EEFSEC: variants seen among roughly 807,000 people sequenced by gnomAD.
EEFSEC encodes the protein selenocysteine-specific elongation factor.
A neutral mutation model predicts 42.1 loss-of-function variants in EEFSEC; 43 were observed. The observed-to-expected ratio is 1.02, with a 90% CI of 0.80 to 1.32. The LOEUF is 1.32. EEFSEC is among the 40% of genes most tolerant of loss of function. EEFSEC has a pLI of 0.00. For missense variants in EEFSEC, 745 were observed against 803.6 expected (o/e 0.93, Z 0.88); for synonymous variants, 354 against 339.1 (o/e 1.04, Z -0.48).
intron 1 of EEFSEC, among the ~76,000 whole-genome samples, chr3:128,242,421 T>G (rs749923338): frequency 3.3e-5 from 5 of 152,228 alleles, no homozygotes; most frequent in African/African-American, 1.2e-4. Flanking sequence ...AAAATATAAG[T>G]TGGAAATAAA....
chr3:128,247,582 C>A (rs1276600051), intron 2 of EEFSEC, among the ~76,000 whole-genome samples: 1 of 152,228 alleles, frequency 6.6e-6, no homozygotes, highest in Non-Finnish European at 1.5e-5. Flanking sequence ...ATGGTTGTTG[C>A]TGCTGGAAGC....
intron 4 of EEFSEC, among the ~76,000 whole-genome samples, chr3:128,269,143 A>G (rs925821373): frequency 6.6e-6 from 1 of 152,186 alleles, no homozygotes; most frequent in African/African-American, 2.4e-5. Flanking sequence ...CAAGTGAGAG[A>G]ACCTAGACCC....
chr3:128,387,986 C>T (rs2067861941), intron 6 of EEFSEC, among the ~76,000 whole-genome samples: 1 of 152,182 alleles, frequency 6.6e-6, no homozygotes. Flanking sequence ...GACCTGGAAG[C>T]TCAAGTAAGG....
intron 4 of EEFSEC, among the ~76,000 whole-genome samples, chr3:128,320,557 C>A (rs1217117556): frequency 6.6e-6 from 1 of 152,154 alleles, no homozygotes; most frequent in Non-Finnish European, 1.5e-5. Context: ...GGATTTGAAC[C>A]CAAGAAGTCT....
At chr3:128,351,182 TC>T (rs1408484017) in intron 5 of EEFSEC, among the ~76,000 whole-genome samples, 3 of 152,146 alleles carry the variant, frequency 2.0e-5, no homozygotes, top group African/African-American at 7.2e-5. Context: ...GAGTACATGT[TC>T]TGTTCTTCTG....
At chr3:128,166,784 C>T (rs1311416941) in intron 1 of EEFSEC, among the ~76,000 whole-genome samples, 3 of 152,006 alleles carry the variant, frequency 2.0e-5, no homozygotes, top group African/African-American at 7.3e-5. Context: ...CACGCCTTCT[C>T]CCTCCTGCTT....
intron 1 of EEFSEC, among the ~76,000 whole-genome samples, chr3:128,185,347 T>C (rs2811517): frequency 0.14 from 21,990 of 152,176 alleles, 1,705 homozygotes; most frequent in Admixed American, 0.2. Flanking sequence ...TATACCTTCT[T>C]TTTACTAAGC....
At position 128,159,498 on chromosome 3, in the gene EEFSEC, G is replaced by A. The variant is rs142279521; in HGVS notation, c.316+5675G>A. On this transcript the variant is annotated intron_variant, in intron 1 of 6. Coordinates refer to ENST00000254730, the MANE Select transcript of EEFSEC (RefSeq NM_021937.5). ...GCTCTCCTTTTACAAGTGTTCATCA[G>A]ATCATGTCAGCCCTACACTTGACAA... 4.6e-3 allele frequency among the ~76,000 whole-genome samples: 695 copies of A among 152,300 alleles called. 4 individuals carry two copies. Among genetic ancestry groups the A allele is most frequent in the African/African-American group, 0.015 (613 of 41,566 alleles).
chr3:128,258,179 C>T (rs554901226), intron 2 of EEFSEC, among the ~76,000 whole-genome samples: 3 of 152,256 alleles, frequency 2.0e-5, no homozygotes, highest in East Asian at 1.9e-4. Context: ...GGGAGCAGAG[C>T]GACCTTGATG....
chr3:128,222,041 T>TTTTTTTTTTTTTTTTTTA, intron 1 of EEFSEC, among the ~76,000 whole-genome samples: 1 of 145,708 alleles, frequency 6.9e-6, no homozygotes, highest in Non-Finnish European at 1.5e-5. Context: ...TTTTTTTTTT[T>TTTTTTTTTTTTTTTTTTA]TTTTTTTTTT....
At chr3:128,185,637 C>T (rs2065457939) in intron 1 of EEFSEC, among the ~76,000 whole-genome samples, 1 of 152,148 alleles carries the variant, frequency 6.6e-6, no homozygotes. Flanking sequence ...TCATAGCTCA[C>T]TGCAGCCTTG....
At chr3:128,425,583 T>A in the EEFSEC span, among the ~76,000 whole-genome samples, 1 of 152,252 alleles carries the variant, frequency 6.6e-6, no homozygotes, top group Non-Finnish European at 1.5e-5. Context: ...CCCCAGCTGC[T>A]GTCTGCATTC....
chr3:128,315,698 G>A lies in EEFSEC; in HGVS notation c.787-25535G>A, dbSNP rs61510900. Among the ~76,000 whole-genome samples, 135 of 152,312 alleles carry A rather than the reference G, an allele frequency of 8.9e-4. 1 individual carries two copies. Among genetic ancestry groups the A allele is most frequent in the African/African-American group, 3.2e-3 (131 of 41,562 alleles). On this transcript the variant is annotated intron_variant, in intron 4 of 6. Transcript: ENST00000254730. ...CACTGTCAGTGGTATGGAGTGTAAA[G>A]CTCCATTTCTTGAAAACTGCATACT...
intron 1 of EEFSEC, among the ~76,000 whole-genome samples, chr3:128,238,090 T>A (rs1050581470): frequency 1.3e-5 from 2 of 152,218 alleles, no homozygotes; most frequent in African/African-American, 4.8e-5. Context: ...TTTCTCTTTA[T>A]GGAAATGGGA....
chr3:128,303,355 C>A (rs1576622402), intron 4 of EEFSEC, among the ~76,000 whole-genome samples: 2 of 152,144 alleles, frequency 1.3e-5, no homozygotes, highest in South Asian at 4.1e-4. Context: ...TGTGAGATGG[C>A]CCACGTCCCC....
chr3:128,320,521 G>A (rs1468971762), intron 4 of EEFSEC, among the ~76,000 whole-genome samples: 1 of 152,200 alleles, frequency 6.6e-6, no homozygotes, highest in East Asian at 1.9e-4. Context: ...GACATCCCTG[G>A]CCTGGGGTCA....
At chr3:128,180,262 T>A (rs1000185460) in intron 1 of EEFSEC, among the ~76,000 whole-genome samples, 12 of 152,210 alleles carry the variant, frequency 7.9e-5, no homozygotes, top group African/African-American at 2.9e-4. Context: ...ATGGTTAACC[T>A]CTCATGTGCT....
chr3:128,311,499 C>T (rs543804487), intron 4 of EEFSEC, among the ~76,000 whole-genome samples: 113 of 152,370 alleles, frequency 7.4e-4, no homozygotes, highest in African/African-American at 2.6e-3. Context: ...TGCATGGTCC[C>T]GTGACCTTCA....
chr3:128,216,207 T>C (rs976286189), intron 1 of EEFSEC, among the ~76,000 whole-genome samples: 4 of 152,210 alleles, frequency 2.6e-5, no homozygotes, highest in Non-Finnish European at 5.9e-5. Flanking sequence ...TCCCATTTAG[T>C]TGAAACACTG....
Sources: gnomAD v4.1 joint callset for allele counts (sites outside exome capture counted in the v4.1 genomes callset) on GRCh38, gnomAD v4.1.1 for gene constraint, MANE v1.5 for transcripts, NCBI Gene and HGNC (gene_info 2026-07-23, HGNC 2026-07-21) for gene names.